Variants in COLEC12 observed in about 807,000 individuals in gnomAD.
The protein encoded by COLEC12 is collectin-12.
In COLEC12, 33 loss-of-function variants were observed where a neutral mutation model predicts 71.1. That is an observed-to-expected ratio of 0.46 (90% CI 0.35 to 0.62). The LOEUF (loss-of-function observed/expected upper bound fraction) is 0.62, where lower values mean the gene tolerates loss of function less well. Ranked by LOEUF, COLEC12 falls within the 20% of genes least tolerant of loss-of-function variation. The pLI is 0.00. For synonymous variants in COLEC12, 350 were observed against 353.0 expected, an observed-to-expected ratio of 0.99 and a Z score of 0.10; for missense variants, 765 against 916.1, an observed-to-expected ratio of 0.84 and a Z score of 2.13.
intron 1 of COLEC12, among the ~76,000 whole-genome samples, chr18:488,682 G>C (rs1450707675): frequency 1.3e-5 from 2 of 151,978 alleles, no homozygotes; most frequent in African/African-American, 2.4e-5. Flanking sequence ...AGACCAGCCT[G>C]GCCAACATGG....
At chr18:411,919 C>T (rs1915899417) in intron 2 of COLEC12, among the ~76,000 whole-genome samples, 1 of 152,136 alleles carries the variant, frequency 6.6e-6, no homozygotes, top group Non-Finnish European at 1.5e-5. Context: ...ATCTGAATAA[C>T]AGAGCGAATA....
At chr18:339,318 T>C (rs1914191447) in intron 5 of COLEC12, among the ~76,000 whole-genome samples, 1 of 152,168 alleles carries the variant, frequency 6.6e-6, no homozygotes, top group Non-Finnish European at 1.5e-5. Context: ...GCTATTTTCC[T>C]CTGGACTGGA....
intron 2 of COLEC12, among the ~76,000 whole-genome samples, chr18:422,251 A>G (rs560875397): frequency 9.9e-5 from 15 of 152,194 alleles, no homozygotes; most frequent in Non-Finnish European, 2.2e-4. Context: ...AGGGTAGAAA[A>G]TACGCAGTTT....
At chr18:423,517 G>A (rs538223343) in intron 2 of COLEC12, among the ~76,000 whole-genome samples, 12 of 152,064 alleles carry the variant, frequency 7.9e-5, no homozygotes, top group Admixed American at 3.3e-4. Context: ...ACTATCAGGT[G>A]CCATGATGAT....
intron 1 of COLEC12, among the ~76,000 whole-genome samples, chr18:499,350 G>A (rs1475367436): frequency 1.3e-5 from 2 of 152,208 alleles, no homozygotes; most frequent in Non-Finnish European, 2.9e-5. Flanking sequence ...AACGCCCTTG[G>A]AAAGGGAGTG....
chr18:368,726 C>A (rs570995547), intron 2 of COLEC12, among the ~76,000 whole-genome samples: 2 of 151,994 alleles, frequency 1.3e-5, no homozygotes, highest in Admixed American at 6.6e-5. Flanking sequence ...ATTAGCCGGG[C>A]GTGGTGGCGG....
intron 6 of COLEC12, chr18:334,092 G>A (rs560360479): frequency 1.3e-5 from 2 of 152,424 alleles, no homozygotes; most frequent in East Asian, 3.9e-4. Context: ...GTCTGAGTGG[G>A]AAGATCACCT....
intron 2 of COLEC12, among the ~76,000 whole-genome samples, chr18:470,220 A>ATTTTTTTTTT (rs71174234): frequency 8.7e-5 from 8 of 92,384 alleles, no homozygotes; most frequent in African/African-American, 2.2e-4. Flanking sequence ...AGGCCAGGAA[A>ATTTTTTTTTT]TTTTTTTTTT....
chr18:363,163 C>T (rs1477737859), intron 2 of COLEC12, among the ~76,000 whole-genome samples: 1 of 152,152 alleles, frequency 6.6e-6, no homozygotes, highest in Admixed American at 6.5e-5. Flanking sequence ...TGCTGTGGTT[C>T]TCCATAAAGA....
chr18:351,195 A>G (rs553063459), intron 3 of COLEC12, among the ~76,000 whole-genome samples: 2 of 152,106 alleles, frequency 1.3e-5, no homozygotes, highest in South Asian at 4.2e-4. Flanking sequence ...TTTTCCCTCA[A>G]GCTTCTACCG....
chr18:497,873 G>A (rs1917742301), intron 1 of COLEC12, among the ~76,000 whole-genome samples: 1 of 152,202 alleles, frequency 6.6e-6, no homozygotes, highest in African/African-American at 2.4e-5. Context: ...ATTCCACTTG[G>A]TAAAAGCAGC....
intron 2 of COLEC12, among the ~76,000 whole-genome samples, chr18:395,384 TC>T (rs916385588): frequency 6.6e-6 from 1 of 152,164 alleles, no homozygotes; most frequent in African/African-American, 2.4e-5. Flanking sequence ...GACCCTCTCA[TC>T]CCATTTTTGG....
intron 2 of COLEC12, among the ~76,000 whole-genome samples, chr18:417,714 G>T (rs1376329253): frequency 6.6e-6 from 1 of 152,210 alleles, no homozygotes; most frequent in East Asian, 1.9e-4. Context: ...CATTTCTGAG[G>T]CCTGTTGCTG....
intron 5 of COLEC12, among the ~76,000 whole-genome samples, chr18:337,991 ACT>A (rs1418596371): frequency 1.3e-5 from 2 of 151,332 alleles, no homozygotes; most frequent in Admixed American, 6.6e-5. Context: ...CATTCATTCC[ACT>A]CTGACTTTTG....
At chr18:403,704 CA>C (rs1485250178) in intron 2 of COLEC12, among the ~76,000 whole-genome samples, 1 of 152,170 alleles carries the variant, frequency 6.6e-6, no homozygotes, top group Non-Finnish European at 1.5e-5. Flanking sequence ...AACCTAAGTG[CA>C]GAGTTGAGGA....
At chr18:324,016 G>T (rs745989402) in intron 8 of COLEC12, among the ~76,000 whole-genome samples, 2 of 151,994 alleles carry the variant, frequency 1.3e-5, no homozygotes, top group Non-Finnish European at 2.9e-5. Flanking sequence ...CTTTCCTTAG[G>T]ACTAAAAGCA....
chr18:334,816 C>T lies in COLEC12; in HGVS notation c.1742G>A (p.Gly581Asp). The change falls in exon 6 of 10, where the codon GGC becomes GAC. Residue 581 changes from glycine (G) to aspartate (D), a missense_variant. By Grantham distance (94) the Gly-to-Asp change is moderately conservative. Transcript: ENST00000400256. Reference protein sequence around the residue: ...PGMPGPKGPPGPPGPSGAVVP... With the variant: ...PGMPGPKGPPDPPGPSGAVVP... Reference sequence around the variant, plus strand: ...CACCGCTCCTGATGGGCCAGGAGGGCCGGGGGGGCCCTTGGGGCCTGGCAT... The same window carrying T: ...CACCGCTCCTGATGGGCCAGGAGGGTCGGGGGGGCCCTTGGGGCCTGGCAT... The T allele has an allele frequency of 6.6e-7, 1 of 1,517,790 alleles. No individual in the cohort carries two copies. The highest frequency in any genetic ancestry group is 8.8e-7 in the Non-Finnish European group (1 of 1,140,550). 94.0% of individuals were successfully genotyped at this position (1,517,790 alleles called of 1,614,324 possible).
chr18:367,725 C>T (rs1320665), intron 2 of COLEC12, among the ~76,000 whole-genome samples: 7 of 152,146 alleles, frequency 4.6e-5, no homozygotes, highest in South Asian at 2.1e-4. Flanking sequence ...TGGCCCACGA[C>T]GCCTGTGAGG....
chr18:412,074 C>A (rs1043170969), intron 2 of COLEC12, among the ~76,000 whole-genome samples: 11 of 152,096 alleles, frequency 7.2e-5, no homozygotes, highest in African/African-American at 2.4e-4. Flanking sequence ...TGAACACTTC[C>A]CAAATTTGGC....
Sources: allele counts gnomAD v4.1 joint callset (sites outside exome capture counted in the v4.1 genomes callset), GRCh38; gene constraint gnomAD v4.1.1; transcripts MANE v1.5; gene names NCBI Gene and HGNC (gene_info 2026-07-23, HGNC 2026-07-21).